Variants in SYTL2 observed in about 807,000 individuals in gnomAD.
The protein encoded by SYTL2 is synaptotagmin like 2, also known as synaptotagmin-like protein 2.
In SYTL2, 165 loss-of-function variants were observed where a neutral mutation model predicts 198.7. The ratio of observed to expected loss-of-function variants is 0.83; its 90% confidence interval spans 0.73 to 0.94. The LOEUF (loss-of-function observed/expected upper bound fraction) is 0.94. Among genes scored for constraint, SYTL2 ranks in the 40% least tolerant of loss-of-function variants. The pLI, the probability that SYTL2 is intolerant of heterozygous loss-of-function variation, is 0.00. For synonymous variants in SYTL2, 966 were observed against 917.7 expected, an observed-to-expected ratio of 1.05 and a Z score of -0.95; for missense variants, 2,835 against 2,582.8, an observed-to-expected ratio of 1.10 and a Z score of -2.12.
chr11:85,836,969 T>A, the SYTL2 span, among the ~76,000 whole-genome samples: 1 of 152,242 alleles, frequency 6.6e-6, no homozygotes, highest in African/African-American at 2.4e-5. Context: ...ATGGCTTCAC[T>A]GTTACAAAAG....
intron 1 of SYTL2, 89 bp downstream of exon 1, chr11:85,810,865 G>C (rs2093022733): frequency 6.6e-6 from 1 of 152,328 alleles, no homozygotes; most frequent in South Asian, 2.1e-4. Context: ...ACTTAACAGA[G>C]GAGGAAGCAG....
At chr11:85,817,483 T>A in the SYTL2 span, among the ~76,000 whole-genome samples, 2 of 152,190 alleles carry the variant, frequency 1.3e-5, no homozygotes, top group South Asian at 4.1e-4. Flanking sequence ...TTAAATGAAA[T>A]ATGTTATGAA....
At chr11:85,792,307 T>C (rs1359909293) in intron 1 of SYTL2, among the ~76,000 whole-genome samples, 1 of 152,022 alleles carries the variant, frequency 6.6e-6, no homozygotes. Flanking sequence ...TAGTTAAGAA[T>C]AGACTATCTG....
chr11:85,726,224 AC>A lies in SYTL2; in HGVS notation c.3133del (p.Val1045LeufsTer10). The A allele has an allele frequency of 6.2e-7, 1 of 1,612,972 alleles. No homozygotes were observed. The highest frequency in any genetic ancestry group is 8.5e-7 in the Non-Finnish European group (1 of 1,179,724). On this transcript the variant is annotated frameshift_variant, in exon 8 of 20. Coordinates refer to ENST00000359152, the MANE Select transcript of SYTL2 (RefSeq NM_206927.4). LOFTEE classifies it high-confidence loss of function. ...EAEVLLSPKK[V>X]MAREEMEKLN... The stretch of plus-strand genomic sequence containing the variant: ...TTTCTCCATTTCCTCTCTTGCCATA[AC>A]TTTTTTTGGGCTTAGAAGCACCTCT...
At position 85,727,430 on chromosome 11, in the gene SYTL2, C is replaced by T. The variant is rs931332240; in HGVS notation, c.1928G>A (p.Gly643Glu). Reference protein sequence around the residue: ...PFESYGTPSQGSKNMDYSQDS... With the variant: ...PFESYGTPSQESKNMDYSQDS... ...TTGGCTATAGTCCATATTTTTACTCCCTTGACTTGGGGTGCCATAGCTTTC... is the reference window on the plus strand; with the variant it reads ...TTGGCTATAGTCCATATTTTTACTCTCTTGACTTGGGGTGCCATAGCTTTC... The change falls in exon 8 of 20, where the codon GGG becomes GAG. Residue 643 changes from glycine to glutamate, a missense_variant. Gly to Glu is a moderately conservative substitution (Grantham distance 98, BLOSUM62 -2). This residue lies in a region of SYTL2 where 2,645 missense variants were observed against 2,381.7 expected (regional missense o/e 1.11). Coordinates refer to ENST00000359152, the MANE Select transcript of SYTL2 (RefSeq NM_206927.4). 22 of 1,536,114 alleles carry T rather than the reference C, an allele frequency of 1.4e-5. No individual in the cohort carries two copies. Among genetic ancestry groups the T allele is most frequent in the Non-Finnish European group, 1.9e-5 (22 of 1,146,910 alleles).
intron 16 of SYTL2, 26 bp from the exon 17 acceptor site, chr11:85,700,619 G>T: frequency 6.3e-7 from 1 of 1,581,614 alleles, no homozygotes; most frequent in Non-Finnish European, 8.7e-7. Flanking sequence ...ATGTCAGCAG[G>T]TGGGAGACAA....
At chr11:85,814,436 C>A (rs2093059181), upstream of SYTL2, among the ~76,000 whole-genome samples, 1 of 152,162 alleles carries the variant, frequency 6.6e-6, no homozygotes, top group Non-Finnish European at 1.5e-5. Flanking sequence ...CTAACTGGGA[C>A]AGGAGTAGAA....
At chr11:85,787,674 T>C (rs1024791878) in intron 1 of SYTL2, among the ~76,000 whole-genome samples, 2 of 150,726 alleles carry the variant, frequency 1.3e-5, no homozygotes, top group Non-Finnish European at 3.0e-5. Context: ...AATGGTTTAT[T>C]TCTTTTTTCT....
Position 85,734,844 on chromosome 11 carries a change from T to C in SYTL2, c.587-102A>G. 2 of 891,072 alleles carry C rather than the reference T, an allele frequency of 2.2e-6. 1 individual carries two copies. The allele number at this position is 891,072 out of a possible 1,614,324, so 55.2% of individuals were successfully genotyped here. A position where few individuals can be genotyped will look rare whatever the true frequency, so the allele number is the denominator to read the frequency against. On this transcript the variant is annotated intron_variant, in intron 6 of 19. Coordinates refer to ENST00000359152, the MANE Select transcript of SYTL2 (RefSeq NM_206927.4). ...CCTACACTTAGTGAAACTATTAAAA[T>C]ATTAAAGACAGTAAAGTATGTGGCA...
intron 14 of SYTL2, among the ~76,000 whole-genome samples, chr11:85,708,788 A>T (rs1172887402): frequency 6.7e-6 from 1 of 148,970 alleles, no homozygotes; most frequent in Non-Finnish European, 1.5e-5. Context: ...ACTGAACAAG[A>T]TGACCCCAAA....
At chr11:85,766,676 A>G (rs2092247243) in intron 1 of SYTL2, among the ~76,000 whole-genome samples, 1 of 152,194 alleles carries the variant, frequency 6.6e-6, no homozygotes, top group Non-Finnish European at 1.5e-5. Context: ...TGTATGCGCC[A>G]GAAGTTCTGA....
intron 11 of SYTL2, 76 bp downstream of exon 11, chr11:85,717,407 G>A: frequency 8.2e-7 from 1 of 1,223,488 alleles, no homozygotes. Flanking sequence ...TGTTATTAAT[G>A]GGGTTAGTTA....
chr11:85,753,222 T>G (rs1267323354), intron 2 of SYTL2, among the ~76,000 whole-genome samples: 1 of 152,040 alleles, frequency 6.6e-6, no homozygotes, highest in Non-Finnish European at 1.5e-5. Context: ...TATGTTTCCT[T>G]AAAGGTGGGT....
chr11:85,828,876 G>A, the SYTL2 span, among the ~76,000 whole-genome samples: 1 of 152,146 alleles, frequency 6.6e-6, no homozygotes, highest in African/African-American at 2.4e-5. Context: ...GTAAATAGTG[G>A]TTAAGTCTGC....
At chr11:85,734,931 T>C (rs1360139503) in intron 6 of SYTL2, among the ~76,000 whole-genome samples, 189 bp from the exon 7 acceptor site, 1 of 152,230 alleles carries the variant, frequency 6.6e-6, no homozygotes, top group Non-Finnish European at 1.5e-5. Flanking sequence ...AGAGGACTTT[T>C]AGGGCACTGG....
At chr11:85,786,839 C>T (rs999406375) in intron 1 of SYTL2, among the ~76,000 whole-genome samples, 1 of 152,176 alleles carries the variant, frequency 6.6e-6, no homozygotes, top group Non-Finnish European at 1.5e-5. Flanking sequence ...GATAAAAGGT[C>T]ATGAAGTAAG....
chr11:85,718,821 C>T lies in SYTL2; in HGVS notation c.5451G>A (p.Gln1817=). 3 of 1,613,722 alleles carry T rather than the reference C, an allele frequency of 1.9e-6. No homozygotes were observed. The highest frequency in any genetic ancestry group is 1.7e-6 in the Non-Finnish European group (2 of 1,179,764). ...CAGCACTACGCACTAATTCTTCTGGCTGATTATCTACTTTTGCTTGATCTG... is the reference window on the plus strand; with the variant it reads ...CAGCACTACGCACTAATTCTTCTGGTTGATTATCTACTTTTGCTTGATCTG... ...DSSNQAKVDN[Q]PEELVRSAED... is the part of the protein sequence containing the mutation. Residue 1817 remains glutamine, a synonymous_variant, in exon 10 of 20, where the codon CAG becomes CAA. Coordinates refer to ENST00000359152, the MANE Select transcript of SYTL2 (RefSeq NM_206927.4).
At chr11:85,802,958 A>G (rs978302751) in intron 1 of SYTL2, among the ~76,000 whole-genome samples, 3 of 152,302 alleles carry the variant, frequency 2.0e-5, no homozygotes, top group South Asian at 2.1e-4. Context: ...AGTGGCCTCT[A>G]TGGGAAACAT....
intron 1 of SYTL2, among the ~76,000 whole-genome samples, chr11:85,789,488 G>A (rs1320781597): frequency 2.7e-5 from 4 of 147,732 alleles, no homozygotes; most frequent in Non-Finnish European, 5.9e-5. Flanking sequence ...TCTCACCTTG[G>A]CCTCCCAAAG....
Sources: gnomAD v4.1 joint callset for allele counts (sites outside exome capture counted in the v4.1 genomes callset) on GRCh38, gnomAD v4.1.1 for gene constraint, gnomAD v4.1.1 regional missense constraint, MANE v1.5 for transcripts, NCBI Gene and HGNC (gene_info 2026-07-23, HGNC 2026-07-21) for gene names.